The following NBAS variants were observed in gnomAD, a reference collection of about 807,000 sequenced individuals.
NBAS encodes NAG/BC035112 fusion.
A neutral mutation model predicts 302.5 loss-of-function variants in NBAS; 219 were observed. The ratio of observed to expected loss-of-function variants is 0.72; its 90% CI spans 0.65 to 0.81. NBAS has a LOEUF of 0.81. NBAS is among the 30% of genes least tolerant of loss of function. NBAS has a pLI of 0.00. For missense variants in NBAS, 2,932 were observed against 2,841.6 expected (o/e 1.03, Z -0.72); for synonymous variants, 1,118 against 1,021.6 (o/e 1.09, Z -1.80).
intron 49 of NBAS, among the ~76,000 whole-genome samples, chr2:15,189,518 T>C (rs1304095387): frequency 5.9e-5 from 9 of 152,038 alleles, no homozygotes; most frequent in Admixed American, 5.9e-4. Context: ...GACAAGGGCA[T>C]TGGTGCTCAT....
the NBAS span, among the ~76,000 whole-genome samples, chr2:14,955,422 G>A: frequency 1.0e-3 from 156 of 152,306 alleles, no homozygotes; most frequent in African/African-American, 3.4e-3. Context: ...GAGGATGGTG[G>A]CTTTCTTCTC....
chr2:15,295,980 G>GA (rs1670532941), intron 40 of NBAS, among the ~76,000 whole-genome samples: 1 of 150,706 alleles, frequency 6.6e-6, no homozygotes, highest in Admixed American at 6.6e-5. Flanking sequence ...ATTATTCTAT[G>GA]AAAACAAATT....
In NBAS at chr2:15,238,701, T is replaced by TTAAC. The variant is rs1553349523; in HGVS notation, c.5725-16_5725-15insGTTA. 3 of 1,606,876 alleles carry TTAAC rather than the reference T, an allele frequency of 1.9e-6. No individual in the cohort carries two copies. Among genetic ancestry groups the TTAAC allele is most frequent in the Non-Finnish European group, 2.5e-6 (3 of 1,176,626 alleles). On this transcript the variant is annotated splice_polypyrimidine_tract_variant and intron_variant, in intron 44 of 51. Transcript: ENST00000281513. ...TCCACAGACAGCTTAAAAAAAAGAA[T>TTAAC]AGTGAGACCAAAGAACCCTGCATTA...
chr2:15,433,925 C>T (rs1438982013), intron 21 of NBAS, among the ~76,000 whole-genome samples: 1 of 151,206 alleles, frequency 6.6e-6, no homozygotes, highest in African/African-American at 2.4e-5. Context: ...AGAGCAAGAC[C>T]TCATCTCTTC....
At chr2:15,075,492 A>C in the NBAS span, among the ~76,000 whole-genome samples, 52 of 152,294 alleles carry the variant, frequency 3.4e-4, no homozygotes, top group Middle Eastern at 6.8e-3. Flanking sequence ...GCCCCCAACC[A>C]AAAAGCAACA....
chr2:15,135,153 T>A, the NBAS span, among the ~76,000 whole-genome samples: 2 of 152,316 alleles, frequency 1.3e-5, no homozygotes, highest in East Asian at 1.9e-4. Context: ...CAGTGGCTCT[T>A]ACGCAATAGA....
chr2:15,464,392 T>C (rs1478156353), intron 19 of NBAS, among the ~76,000 whole-genome samples: 1 of 152,112 alleles, frequency 6.6e-6, no homozygotes, highest in Non-Finnish European at 1.5e-5. Context: ...TACCTGCATC[T>C]GTAATAAGAT....
chr2:14,892,805 CTGTT>C, the NBAS span, among the ~76,000 whole-genome samples: 1 of 151,900 alleles, frequency 6.6e-6, no homozygotes, highest in East Asian at 1.9e-4. Context: ...TTTGAATACT[CTGTT>C]TGGATTCGAT....
At chr2:15,427,816 G>C (rs756378484) in intron 21 of NBAS, 22 bp from the exon 22 acceptor site, 4 of 1,574,842 alleles carry the variant, frequency 2.5e-6, no homozygotes, top group Non-Finnish European at 3.5e-6. Flanking sequence ...AAAAAAATAA[G>C]TGTTTAAAAT....
At chr2:15,379,501 G>A (rs1674923808) in intron 30 of NBAS, 101 bp downstream of exon 30, 1 of 1,193,450 alleles carries the variant, frequency 8.4e-7, no homozygotes. Flanking sequence ...TAGTCAATCT[G>A]TACCTGTGAT....
chr2:14,965,113 G>GT, the NBAS span, among the ~76,000 whole-genome samples: 1 of 151,780 alleles, frequency 6.6e-6, no homozygotes, highest in African/African-American at 2.4e-5. Context: ...TTCGCCTTCC[G>GT]TTTTAAGAAA....
chr2:15,034,144 AAG>A, the NBAS span, among the ~76,000 whole-genome samples: 8 of 146,914 alleles, frequency 5.4e-5, no homozygotes, highest in Admixed American at 4.1e-4. Context: ...GAGGGAGAGA[AAG>A]AGGGAGGAGG....
the NBAS span, among the ~76,000 whole-genome samples, chr2:14,819,550 A>T: frequency 1.5e-3 from 235 of 152,382 alleles, 8 homozygotes; most frequent in East Asian, 0.039. Flanking sequence ...ACCCAGAAGT[A>T]AATGAGAGGA....
At chr2:15,034,062 A>AGGAGGAGGAGGG in the NBAS span, among the ~76,000 whole-genome samples, 1 of 91,222 alleles carries the variant, frequency 1.1e-5, no homozygotes, top group Non-Finnish European at 2.0e-5. Flanking sequence ...GAGGAGGAGG[A>AGGAGGAGGAGGG]GGGGAAGGAG....
Position 15,179,374 on chromosome 2 carries a change from T to G in NBAS, c.6712-258A>C, listed in dbSNP as rs1421238003. On this transcript the variant is annotated intron_variant, in intron 50 of 51. Coordinates refer to ENST00000281513, the MANE Select transcript of NBAS (RefSeq NM_015909.4). ...TTTTTAATGGCTTTGTAATGCTCAT[T>G]GTACAGATATAGTGGTATAATTTAT... is the stretch of plus-strand genomic sequence containing the variant. 4 of 464,494 alleles carry G rather than the reference T, an allele frequency of 8.6e-6. No individual in the cohort carries two copies. In the East Asian group the frequency reaches 1.2e-4, roughly 14 times the overall value. The allele number at this position is 464,494 out of a possible 1,614,324, so 28.8% of individuals were successfully genotyped here.
intron 6 of NBAS, among the ~76,000 whole-genome samples, chr2:15,546,737 C>T (rs1308183785): frequency 6.6e-6 from 1 of 152,042 alleles, no homozygotes; most frequent in African/African-American, 2.4e-5. Flanking sequence ...GAAAACAAAA[C>T]AAAAAAAACA....
At chr2:14,786,110 G>C in the NBAS span, among the ~76,000 whole-genome samples, 1 of 152,188 alleles carries the variant, frequency 6.6e-6, no homozygotes, top group South Asian at 2.1e-4. Flanking sequence ...TATTTGAGTA[G>C]AGGTGTTTGT....
At chr2:15,100,984 G>A in the NBAS span, among the ~76,000 whole-genome samples, 21 of 152,178 alleles carry the variant, frequency 1.4e-4, no homozygotes, top group African/African-American at 4.6e-4. Flanking sequence ...ATAACAGCCT[G>A]ACATCAGGAA....
the NBAS span, among the ~76,000 whole-genome samples, chr2:14,861,302 T>A: frequency 6.6e-6 from 1 of 152,210 alleles, no homozygotes; most frequent in Non-Finnish European, 1.5e-5. Flanking sequence ...TGTTTTATGG[T>A]CTTCATTTAT....
Sources: gnomAD v4.1 joint callset for allele counts (sites outside exome capture counted in the v4.1 genomes callset) on GRCh38, gnomAD v4.1.1 for gene constraint, MANE v1.5 for transcripts, NCBI Gene and HGNC (gene_info 2026-07-23, HGNC 2026-07-21) for gene names.